NUP160: variants seen among roughly 807,000 people sequenced by gnomAD.
NUP160 encodes nucleoporin 160, also known as nuclear pore complex protein Nup160.
In NUP160, 94 loss-of-function variants were observed where a neutral mutation model predicts 196.9. That is an observed-to-expected ratio of 0.48 (90% CI 0.40 to 0.57). NUP160 has a LOEUF of 0.57. NUP160 is among the 20% of genes least tolerant of loss of function. The probability of loss-of-function intolerance (pLI) is 0.00; values close to 1 mark genes in which losing one functional copy is unlikely to be tolerated. For synonymous variants in NUP160, 605 were observed against 619.7 expected (o/e 0.98, Z 0.35); for missense variants, 1,638 against 1,748.3 (o/e 0.94, Z 1.13).
intron 35 of NUP160, among the ~76,000 whole-genome samples, 192 bp from the exon 36 acceptor site, chr11:47,779,386 A>G (rs1387863419): frequency 6.6e-6 from 1 of 152,198 alleles, no homozygotes; most frequent in Non-Finnish European, 1.5e-5. Context: ...TCTCTGTTAT[A>G]TACAACATTT....
At chr11:47,809,459 C>G (rs997071386) in intron 17 of NUP160, among the ~76,000 whole-genome samples, 3 of 151,554 alleles carry the variant, frequency 2.0e-5, no homozygotes, top group African/African-American at 7.3e-5. Context: ...TAAAGATGTA[C>G]AGAAAGTGGC....
At chr11:47,786,530 T>G (rs1054789305) in exon 32 of NUP160, 3 of 1,613,556 alleles carry the variant, frequency 1.9e-6, no homozygotes, top group Non-Finnish European at 2.5e-6. Context: ...GTGCTGCCTC[T>G]CCTCCAAATT....
At chr11:47,794,399 C>A (rs776760060) in intron 27 of NUP160, among the ~76,000 whole-genome samples, 1 of 151,936 alleles carries the variant, frequency 6.6e-6, no homozygotes, top group Non-Finnish European at 1.5e-5. Flanking sequence ...GGCGTGAACC[C>A]GGGAGGTGGA....
rs151198734 is a variant in NUP160, at chr11:47,842,951, T to C, written c.315-2363A>G. ...GCAGTAGGCCATGACTGTGCTATTTTACTCCAGCCTGGGTGACAGAGTGAA... is the reference window on the plus strand; with the variant it reads ...GCAGTAGGCCATGACTGTGCTATTTCACTCCAGCCTGGGTGACAGAGTGAA... On this transcript the variant is annotated intron_variant, in intron 2 of 35. Transcript: ENST00000378460. Among the ~76,000 whole-genome samples the C allele has an allele frequency of 2.4e-4, 36 of 152,112 alleles. No homozygotes were observed. In the East Asian group the frequency reaches 4.4e-3, roughly 19 times the overall value.
intron 17 of NUP160, among the ~76,000 whole-genome samples, chr11:47,811,477 G>A (rs2097681072): frequency 6.9e-6 from 1 of 145,544 alleles, no homozygotes; most frequent in Non-Finnish European, 1.5e-5. Flanking sequence ...GAGCAAGATT[G>A]TCTCAAGAAA....
chr11:47,802,574 CCTGT>C (rs762671949), intron 22 of NUP160, among the ~76,000 whole-genome samples: 15 of 152,202 alleles, frequency 9.9e-5, no homozygotes, highest in East Asian at 1.9e-4. Context: ...TTTAAACTTT[CCTGT>C]CTGTTTGAAA....
intron 10 of NUP160, among the ~76,000 whole-genome samples, chr11:47,818,699 A>C (rs1439213692): frequency 2.0e-5 from 3 of 152,196 alleles, no homozygotes; most frequent in African/African-American, 7.2e-5. Flanking sequence ...ACTAACAGTC[A>C]TTCAAGTTTC....
chr11:47,835,044 C>T (rs1306970513), intron 7 of NUP160, among the ~76,000 whole-genome samples: 4 of 152,142 alleles, frequency 2.6e-5, no homozygotes, highest in East Asian at 1.9e-4. Flanking sequence ...AGTGGCCTAG[C>T]GTGGGGACTC....
chr11:47,797,173 T>C (rs904862100), intron 27 of NUP160, among the ~76,000 whole-genome samples: 2 of 115,686 alleles, frequency 1.7e-5, no homozygotes, highest in Non-Finnish European at 3.7e-5. Context: ...AATGGTGAAA[T>C]AGCACAGGAA....
chr11:47,806,243 A>T (rs1179620173), exon 20 of NUP160: 2 of 1,613,748 alleles, frequency 1.2e-6, no homozygotes, highest in East Asian at 2.2e-5. Context: ...CTGAGAGAAG[A>T]GGTGAGATAT....
At chr11:47,804,505 G>C (rs765738599) in intron 21 of NUP160, 44 bp downstream of exon 21, 1 of 1,298,514 alleles carries the variant, frequency 7.7e-7, no homozygotes, top group Non-Finnish European at 1.1e-6. Context: ...GCAATCCCAT[G>C]CTTTACAAGA....
intron 33 of NUP160, among the ~76,000 whole-genome samples, 192 bp from the exon 34 acceptor site, chr11:47,783,390 T>TA (rs953870634): frequency 6.6e-6 from 1 of 152,170 alleles, no homozygotes; most frequent in African/African-American, 2.4e-5. Flanking sequence ...AAAAAAAAGT[T>TA]AAATCCCTAA....
intron 7 of NUP160, among the ~76,000 whole-genome samples, chr11:47,826,123 A>T (rs1404723863): frequency 6.6e-6 from 1 of 152,146 alleles, no homozygotes; most frequent in Non-Finnish European, 1.5e-5. Context: ...TCAATTTAGC[A>T]GGTCTCAAAC....
In NUP160 at chr11:47,800,581, T is replaced by C. The variant is rs560104014; in HGVS notation, c.2895+1230A>G. 1.7e-3 allele frequency among the ~76,000 whole-genome samples: 252 copies of C among 152,074 alleles called. 1 individual carries two copies. Among genetic ancestry groups the C allele is most frequent in the African/African-American group, 5.8e-3 (241 of 41,502 alleles). ...CTAATTTTTGTACTTTTAGTAGAGATGGGTTTCACCATGTTGGTCAGGCTG... is the reference window on the plus strand; with the variant it reads ...CTAATTTTTGTACTTTTAGTAGAGACGGGTTTCACCATGTTGGTCAGGCTG... On this transcript the variant is annotated intron_variant, in intron 23 of 35. Transcript: ENST00000378460.
exon 36 of NUP160, chr11:47,779,040 C>G: frequency 8.7e-7 from 1 of 1,146,326 alleles, no homozygotes; most frequent in African/African-American, 1.5e-5. Context: ...GTACAGGGTT[C>G]CTGTAGGGTA....
chr11:47,796,290 T>C, intron 27 of NUP160: 2 of 695,622 alleles, frequency 2.9e-6, no homozygotes, highest in Non-Finnish European at 2.6e-6. Flanking sequence ...TCACAAATTT[T>C]ACCAAAAATC....
chr11:47,807,269 A>G (rs922303117), intron 18 of NUP160, 129 bp from the exon 19 acceptor site: 2 of 595,362 alleles, frequency 3.4e-6, no homozygotes, highest in Admixed American at 6.5e-5. Context: ...CTGAAAGCAC[A>G]AAAAAAATTG....
intron 27 of NUP160, among the ~76,000 whole-genome samples, chr11:47,797,318 C>A (rs868276453): frequency 6.6e-6 from 1 of 151,970 alleles, no homozygotes; most frequent in African/African-American, 2.4e-5. Flanking sequence ...GTAACCTCCG[C>A]CCCCCGCCCC....
rs1302724242 is a variant in NUP160, at chr11:47,825,314, G to A, written c.1102-3150C>T. On this transcript the variant is annotated intron_variant, in intron 7 of 35. Coordinates refer to ENST00000378460, the Ensembl canonical transcript of NUP160. ...CTTTTTTTTTTTGGAGACGAGTCTC[G>A]CTCTATTGCCTAGGTTGAAGTGCAG... Among the ~76,000 whole-genome samples the A allele has an allele frequency of 4.0e-5, 6 of 151,404 alleles. No individual in the cohort carries two copies. In the South Asian group the frequency reaches 1.3e-3, roughly 32 times the overall value.
Sources: allele counts gnomAD v4.1 joint callset (sites outside exome capture counted in the v4.1 genomes callset), GRCh38; gene constraint gnomAD v4.1.1; transcripts MANE v1.5; gene names NCBI Gene and HGNC (gene_info 2026-07-23, HGNC 2026-07-21).